MKI67: variants seen among roughly 807,000 people sequenced by gnomAD.
MKI67 encodes proliferation marker protein Ki-67.
MKI67 carries 152 observed loss-of-function variants against 233.5 expected under a neutral mutation model. The observed-to-expected ratio is 0.65, with a 90% CI of 0.57 to 0.74. The LOEUF (loss-of-function observed/expected upper bound fraction) is 0.74. Among genes scored for constraint, MKI67 ranks in the 30% least tolerant of loss-of-function variants. The pLI is 0.00. For synonymous variants in MKI67, 1,465 were observed against 1,418.5 expected (o/e 1.03, Z -0.74); for missense variants, 3,940 against 3,885.2 (o/e 1.01, Z -0.37).
Position 128,115,761 on chromosome 10 carries a change from C to T in MKI67, c.647G>A (p.Gly216Glu), listed in dbSNP as rs41306648. 21,457 of 1,613,332 alleles carry T rather than the reference C, an allele frequency of 0.013. 180 individuals are homozygous for T. Among genetic ancestry groups the T allele is most frequent in the Non-Finnish European group, 0.016 (18,673 of 1,180,030 alleles). The change falls in exon 7 of 15, where the codon GGA becomes GAA. Residue 216 changes from glycine (G) to glutamate (E), a missense_variant. Gly to Glu is a moderately conservative substitution (Grantham distance 98). Transcript: ENST00000368654. ...ISSVKLVSRY[G>E]ELKSVPTTQC... The stretch of plus-strand genomic sequence containing the variant: ...TGTAGTGGGAACAGACTTCAATTCT[C>T]CATAACGGCTCACTAATTTAACGCT...
At chr10:128,121,462 GTA>G (rs1331619461) in intron 4 of MKI67, among the ~76,000 whole-genome samples, 1 of 132,812 alleles carries the variant, frequency 7.5e-6, no homozygotes, top group Non-Finnish European at 1.6e-5. Context: ...ATACTATATG[GTA>G]TATATAATAT....
Position 128,106,020 on chromosome 10 carries a change from C to G in MKI67, c.5820G>C (p.Arg1940=), listed in dbSNP as rs772402619. ...TGGCCTTTTCTTTAGGAGTTTGTGGCCGTCTCTTGCTGCCAGGTAAATTTC... is the reference window on the plus strand; with the variant it reads ...TGGCCTTTTCTTTAGGAGTTTGTGGGCGTCTCTTGCTGCCAGGTAAATTTC... ...LLGNLPGSKR[R]PQTPKEKAKA... is the part of the protein sequence containing the mutation. The change falls in exon 13 of 15, where the codon CGG becomes CGC. Residue 1940 remains arginine, a synonymous_variant. Coordinates refer to ENST00000368654, the MANE Select transcript of MKI67 (RefSeq NM_002417.5). 1.2e-6 allele frequency: 2 copies of G among 1,614,164 alleles called. No individual in the cohort carries two copies. Among genetic ancestry groups the G allele is most frequent in the Non-Finnish European group, 1.7e-6 (2 of 1,180,034 alleles).
In MKI67 at chr10:128,120,337, C is replaced by T. The variant is rs540663672; in HGVS notation, c.288-1018G>A. On this transcript the variant is annotated intron_variant, in intron 4 of 14. Transcript: ENST00000368654. ...GAAACGCCGTCTCTACTAAAAATTG[C>T]AAAAATTAGCCGGGTGTTGTGGCGC... is the stretch of plus-strand genomic sequence containing the variant. Among the ~76,000 whole-genome samples, 15 of 151,924 alleles carry T rather than the reference C, an allele frequency of 9.9e-5. No homozygotes were observed. The South Asian group carries it at 2.9e-3, about 30-fold the overall frequency.
rs1852231272 is a variant in MKI67 at position 128,097,288 on chromosome 10, G to C, written c.*1902C>G. 2 of 152,130 alleles carry C rather than the reference G, an allele frequency of 1.3e-5. No individual in the cohort carries two copies. The highest frequency in any genetic ancestry group is 1.3e-4 in the Admixed American group (2 of 15,278). The allele number at this position is 152,130 out of a possible 1,614,324, so 9.4% of individuals were successfully genotyped here. ...ATTTGTCAGATCTCTCCCTCCCCCAGTACCAAGGAGGGTTGTGTAGAAGTG... is the reference window on the plus strand; with the variant it reads ...ATTTGTCAGATCTCTCCCTCCCCCACTACCAAGGAGGGTTGTGTAGAAGTG... On this transcript the variant is annotated 3_prime_UTR_variant, in exon 15 of 15. Coordinates refer to ENST00000368654, the MANE Select transcript of MKI67 (RefSeq NM_002417.5).
chr10:128,120,422 G>A (rs1852910232), intron 4 of MKI67, among the ~76,000 whole-genome samples: 1 of 152,066 alleles, frequency 6.6e-6, no homozygotes, highest in Non-Finnish European at 1.5e-5. Context: ...AACCCGGGAG[G>A]CGGAGGTTGC....
In MKI67 at chr10:128,116,066, T is replaced by C. The variant is rs1437861661; in HGVS notation, c.401-59A>G. 5 of 1,497,376 alleles carry C rather than the reference T, an allele frequency of 3.3e-6. No homozygotes were observed. The East Asian group carries it at 9.1e-5, about 27-fold the overall frequency. 92.8% of individuals were successfully genotyped at this position (1,497,376 alleles called of 1,614,324 possible). ...TTCAGCATTTTCTCAATGATTAACA[T>C]TTGTGGAATTCAATATTTTAATTGT... is the stretch of plus-strand genomic sequence containing the variant. On this transcript the variant is annotated intron_variant, in intron 6 of 14. Transcript: ENST00000368654.
chr10:128,106,033 C>T lies in MKI67; in HGVS notation c.5807G>A (p.Gly1936Asp). 1 of 1,614,146 alleles carries T rather than the reference C, an allele frequency of 6.2e-7. No individual in the cohort carries two copies. Among genetic ancestry groups the T allele is most frequent in the African/African-American group, 1.3e-5 (1 of 75,024 alleles). ...EKLDLLGNLP[G>D]SKRRPQTPKE... ...AGGAGTTTGTGGCCGTCTCTTGCTG[C>T]CAGGTAAATTTCCTAGCAGGTCCAG... is the stretch of plus-strand genomic sequence containing the variant. The change falls in exon 13 of 15, where the codon GGC (glycine) becomes GAC (aspartate). Residue 1936 changes from glycine to aspartate, a missense_variant. Physicochemically the swap from Gly to Asp is moderately conservative, Grantham distance 94. Coordinates refer to ENST00000368654, the MANE Select transcript of MKI67 (RefSeq NM_002417.5).
chr10:128,101,608 T>C lies in MKI67; in HGVS notation c.9355A>G (p.Arg3119Gly). ...FVLAERIEIN[R>G]NEKKPMKTSP... ...GTCTTCATGGGCTTCTTTTCATTTCTGTTTATTTCTATTCTTTCTGCTAAT... is the reference window on the plus strand; with the variant it reads ...GTCTTCATGGGCTTCTTTTCATTTCCGTTTATTTCTATTCTTTCTGCTAAT... Residue 3119 changes from arginine (R) to glycine (G), a missense_variant, in exon 14 of 15, where the codon AGA becomes GGA. Transcript: ENST00000368654. The C allele has an allele frequency of 6.2e-7, 1 of 1,614,128 alleles. No individual in the cohort carries two copies. The highest frequency in any genetic ancestry group is 8.5e-7 in the Non-Finnish European group (1 of 1,180,016).
At position 128,108,652 on chromosome 10, in the gene MKI67, T is replaced by C. The variant is rs186582207; in HGVS notation, c.3188A>G (p.Lys1063Arg). Reference protein sequence around the residue: ...HTHREPAGDGKSIRTFKESPK... With the variant: ...HTHREPAGDGRSIRTFKESPK... The stretch of plus-strand genomic sequence containing the variant: ...AGACTCCTTAAACGTTCTGATGCTC[T>C]TGCCATCTCCTGCTGGCTCTCTGTG... The change falls in exon 13 of 15, where the codon AAG becomes AGG. Residue 1063 changes from lysine (K) to arginine (R), a missense_variant. Coordinates refer to ENST00000368654, the MANE Select transcript of MKI67 (RefSeq NM_002417.5). The C allele has an allele frequency of 1.2e-6, 2 of 1,614,168 alleles. No individual in the cohort carries two copies. Among genetic ancestry groups the C allele is most frequent in the African/African-American group, 2.7e-5 (2 of 75,048 alleles).
At position 128,109,340 on chromosome 10, in the gene MKI67, A is replaced by G. The variant is rs753343038; in HGVS notation, c.2500T>C (p.Cys834Arg). 4 of 1,614,020 alleles carry G rather than the reference A, an allele frequency of 2.5e-6. No individual in the cohort carries two copies. The highest frequency in any genetic ancestry group is 1.3e-5 in the African/African-American group (1 of 74,916). ...GCTACGTTTCCATTTTCTCTAATAC[A>G]CTGCCGTCTTAAGGGAGGGCTTGCA... ...CSASPPLRRQ[C>R]IRENGNVAKT... The change falls in exon 13 of 15, where the codon TGT (cysteine) becomes CGT (arginine). Residue 834 changes from cysteine to arginine, a missense_variant. Coordinates refer to ENST00000368654, the MANE Select transcript of MKI67 (RefSeq NM_002417.5).
chr10:128,118,291 G>A (rs1008521631), intron 5 of MKI67, among the ~76,000 whole-genome samples: 24 of 151,852 alleles, frequency 1.6e-4, no homozygotes, highest in African/African-American at 5.1e-4. Context: ...AGCTACTCGG[G>A]AGGCTGAGGC....
chr10:128,115,830 C>T lies in MKI67; in HGVS notation c.578G>A (p.Arg193Lys). 1.2e-6 allele frequency: 2 copies of T among 1,609,560 alleles called. No homozygotes were observed. The highest frequency in any genetic ancestry group is 1.7e-5 in the Admixed American group (1 of 60,016). The change falls in exon 7 of 15, where the codon AGA (arginine) becomes AAA (lysine). Residue 193 changes from arginine to lysine, a missense_variant. By Grantham distance (26) the Arg-to-Lys change is conservative. Transcript: ENST00000368654. ...CCCAGAAATGGGATCAGCTGCATTT[C>T]TGCCATTACGTCCAGCATGTTCTGA... ...HSSEHAGRNG[R>K]NAADPISGDF...
In MKI67 at chr10:128,103,512, T is replaced by C; in HGVS notation, c.8328A>G (p.Pro2776=). The C allele has an allele frequency of 6.2e-7, 1 of 1,613,472 alleles. No individual in the cohort carries two copies. The highest frequency in any genetic ancestry group is 2.2e-5 in the East Asian group (1 of 44,790). ...LKESAKQTPA[P]AASVTGSRRR... ...TCCTGCTGCCAGTTACACTTGCTGC[T>C]GGAGCCGGTGTCTGTTTTGCAGATT... The change falls in exon 13 of 15, where the codon CCA becomes CCG. Residue 2776 remains proline (P), a synonymous_variant. Coordinates refer to ENST00000368654, the MANE Select transcript of MKI67 (RefSeq NM_002417.5).
chr10:128,106,351 T>G lies in MKI67; in HGVS notation c.5489A>C (p.Glu1830Ala). Residue 1830 changes from glutamate to alanine, a missense_variant, in exon 13 of 15, where the codon GAA (glutamate) becomes GCA (alanine). Transcript: ENST00000368654. The part of the protein sequence containing the change: ...QTRKEKAQAL[E>A]ELTGFRELFQ... ...AAGCTCTCTGAAGCCAGTCAGTTCT[T>G]CTAGAGCCTGGGCCTTTTCCTTACG... 6.2e-7 allele frequency: 1 copy of G among 1,613,906 alleles called. No homozygotes were observed. Among genetic ancestry groups the G allele is most frequent in the Non-Finnish European group, 8.5e-7 (1 of 1,179,974 alleles).
At position 128,103,605 on chromosome 10, in the gene MKI67, T is replaced by C. The variant is rs1407621340; in HGVS notation, c.8235A>G (p.Thr2745=). Residue 2745 remains threonine (T), a synonymous_variant, in exon 13 of 15, where the codon ACA becomes ACG. Coordinates refer to ENST00000368654, the MANE Select transcript of MKI67 (RefSeq NM_002417.5). ...TGTCTGCATCCGTGGTTTCCCCTGA[T>C]GTTTGTGTGAACTTGACTGCTGAAG... ...EEPSAVKFTQ[T]SGETTDADKE... The C allele has an allele frequency of 1.9e-6, 3 of 1,614,224 alleles. No homozygotes were observed. The highest frequency in any genetic ancestry group is 2.5e-6 in the Non-Finnish European group (3 of 1,180,046).
intron 5 of MKI67, among the ~76,000 whole-genome samples, 158 bp from the exon 6 acceptor site, chr10:128,116,694 G>A (rs373117560): frequency 1.2e-4 from 18 of 152,200 alleles, no homozygotes; most frequent in African/African-American, 4.3e-4. Flanking sequence ...ATCACTTGAG[G>A]TCAGGAGTTT....
At position 128,103,746 on chromosome 10, in the gene MKI67, A is replaced by T; in HGVS notation, c.8094T>A (p.Ala2698=). 6.2e-7 allele frequency: 1 copy of T among 1,613,890 alleles called. No homozygotes were observed. The highest frequency in any genetic ancestry group is 8.5e-7 in the Non-Finnish European group (1 of 1,179,994). Residue 2698 remains alanine (A), a synonymous_variant, in exon 13 of 15, where the codon GCT becomes GCA. Coordinates refer to ENST00000368654, the MANE Select transcript of MKI67 (RefSeq NM_002417.5). The stretch of plus-strand genomic sequence containing the variant: ...CGCAGGGTATTTTAGTGGCTTTGCC[A>T]GCAGTCAGTGATTCCTGAGTGTGAC... ...TSGHTQESLT[A]GKATKIPCES...
Position 128,115,496 on chromosome 10 carries a change from T to G in MKI67, c.912A>C (p.Ala304=), listed in dbSNP as rs1281913702. 1 of 1,614,172 alleles carries G rather than the reference T, an allele frequency of 6.2e-7. No individual in the cohort carries two copies. Among genetic ancestry groups the G allele is most frequent in the Admixed American group, 1.7e-5 (1 of 60,016 alleles). ...GCTCTTGTTCAGGTGAAGCAGGCTC[T>G]GCCACAGCGTGGCCGCTCCCACCAG... is the stretch of plus-strand genomic sequence containing the variant. The part of the protein sequence containing the change: ...PKSGGSGHAV[A]EPASPEQELD... The change falls in exon 7 of 15, where the codon GCA becomes GCC. Residue 304 remains alanine, a synonymous_variant. Coordinates refer to ENST00000368654, the MANE Select transcript of MKI67 (RefSeq NM_002417.5).
At position 128,105,407 on chromosome 10, in the gene MKI67, G is replaced by T; in HGVS notation, c.6433C>A (p.His2145Asn). Reference sequence around the variant, plus strand: ...TCATCTCCTGGTACTTTGTCTGTGTGTGTGGTCTGTGTGAGCTGCTTCAGG... The same window carrying T: ...TCATCTCCTGGTACTTTGTCTGTGTTTGTGGTCTGTGTGAGCTGCTTCAGG... ...SALKQLTQTT[H>N]TDKVPGDEDK... is the part of the protein sequence containing the mutation. The change falls in exon 13 of 15, where the codon CAC becomes AAC. Residue 2145 changes from histidine to asparagine, a missense_variant. Physicochemically the swap from His to Asn is moderately conservative, Grantham distance 68. Transcript: ENST00000368654. 1 of 1,614,168 alleles carries T rather than the reference G, an allele frequency of 6.2e-7. No homozygotes were observed. The highest frequency in any genetic ancestry group is 8.5e-7 in the Non-Finnish European group (1 of 1,180,028).
Sources: allele counts gnomAD v4.1 joint callset (sites outside exome capture counted in the v4.1 genomes callset), GRCh38; gene constraint gnomAD v4.1.1; transcripts MANE v1.5; gene names NCBI Gene and HGNC (gene_info 2026-07-23, HGNC 2026-07-21).